ZFHX3: variants seen among roughly 807,000 people sequenced by gnomAD.
ZFHX3 encodes the protein zinc finger homeobox 3, also known as zinc finger homeobox protein 3.
A neutral mutation model predicts 279.1 loss-of-function variants in ZFHX3; 42 were observed. The observed-to-expected ratio is 0.15, with a 90% CI of 0.12 to 0.19. The LOEUF is 0.19. Ranked by LOEUF, ZFHX3 falls within the 10% of genes least tolerant of loss-of-function variation. ZFHX3 has a pLI of 1.00. For synonymous variants in ZFHX3, 2,293 were observed against 1,957.8 expected (o/e 1.17, Z -4.52); for missense variants, 4,981 against 4,754.0 (o/e 1.05, Z -1.40).
At chr16:73,622,562 C>T (rs973070013) in intron 2 of ZFHX3, among the ~76,000 whole-genome samples, 6 of 145,530 alleles carry the variant, frequency 4.1e-5, no homozygotes, top group African/African-American at 1.7e-4. Context: ...ACTCTGTCTC[C>T]AAAAAAGAAA....
intron 4 of ZFHX3, among the ~76,000 whole-genome samples, chr16:73,278,726 G>A (rs8049740): frequency 0.18 from 27,256 of 151,972 alleles, 3,264 homozygotes; most frequent in African/African-American, 0.34. Context: ...GTTTTACAGA[G>A]CACTGATTGG....
chr16:73,379,062 C>T lies in ZFHX3; in HGVS notation c.-1290-60726G>A, dbSNP rs141253850. Among the ~76,000 whole-genome samples the T allele has an allele frequency of 3.9e-4, 60 of 152,264 alleles. No homozygotes were observed. The East Asian group carries it at 0.011, about 27-fold the overall frequency. On this transcript the variant is annotated intron_variant, in intron 3 of 17. Transcript: ENST00000641206. ...TGTGTGGATGATTCTGACGATCCCA[C>T]GAAGGAGGATCTGTCAATGGCATGT...
intron 7 of ZFHX3, among the ~76,000 whole-genome samples, chr16:73,102,658 T>C (rs1487631029): frequency 6.6e-6 from 1 of 151,004 alleles, no homozygotes; most frequent in Non-Finnish European, 1.5e-5. Context: ...TATGGAAATT[T>C]GAAAAAAACA....
intron 2 of ZFHX3, among the ~76,000 whole-genome samples, chr16:73,643,057 G>A (rs1039722949): frequency 6.6e-6 from 1 of 152,134 alleles, no homozygotes; most frequent in Non-Finnish European, 1.5e-5. Flanking sequence ...TAACTCTTAG[G>A]GTCACATAAA....
chr16:73,659,135 G>A (rs751377622), intron 2 of ZFHX3, among the ~76,000 whole-genome samples: 17 of 152,172 alleles, frequency 1.1e-4, no homozygotes, highest in Admixed American at 5.2e-4. Flanking sequence ...TATGGTTCCC[G>A]CAGTATGCAC....
chr16:73,754,729 G>A (rs2053792371), intron 1 of ZFHX3, among the ~76,000 whole-genome samples: 1 of 151,972 alleles, frequency 6.6e-6, no homozygotes, highest in Non-Finnish European at 1.5e-5. Context: ...ATTTGTTTCA[G>A]TTGAGGGAAG....
At chr16:73,199,004 C>A (rs763288606) in intron 5 of ZFHX3, among the ~76,000 whole-genome samples, 1 of 152,204 alleles carries the variant, frequency 6.6e-6, no homozygotes, top group African/African-American at 2.4e-5. Context: ...CGGGGACTCT[C>A]GACTTTGTGA....
At chr16:73,481,585 C>A (rs577734060) in intron 2 of ZFHX3, among the ~76,000 whole-genome samples, 1 of 152,128 alleles carries the variant, frequency 6.6e-6, no homozygotes, top group East Asian at 1.9e-4. Flanking sequence ...CAGGTGCATG[C>A]CAGCCATGCC....
chr16:73,185,573 G>A (rs1317566197), intron 5 of ZFHX3, among the ~76,000 whole-genome samples: 1 of 152,186 alleles, frequency 6.6e-6, no homozygotes, highest in African/African-American at 2.4e-5. Flanking sequence ...GGATTTGAGA[G>A]CGTGAGACTC....
chr16:73,163,802 A>G lies in ZFHX3; in HGVS notation c.-1103-19971T>C, dbSNP rs888986304. The stretch of plus-strand genomic sequence containing the variant: ...ATCCAAGGGTATTTGGTAACTTTCC[A>G]TATCAATATTTTACATAAATAAATA... On this transcript the variant is annotated intron_variant, in intron 5 of 17. Coordinates refer to the ZFHX3 transcript ENST00000641206. Among the ~76,000 whole-genome samples, 9 of 152,340 alleles carry G rather than the reference A, an allele frequency of 5.9e-5. No homozygotes were observed. The South Asian group carries it at 8.3e-4, about 14-fold the overall frequency.
intron 4 of ZFHX3, among the ~76,000 whole-genome samples, chr16:72,874,098 G>A (rs927337667): frequency 6.6e-6 from 1 of 152,026 alleles, no homozygotes; most frequent in African/African-American, 2.4e-5. Context: ...CAAGTGGGCG[G>A]GGCTTTGGAG....
intron 3 of ZFHX3, among the ~76,000 whole-genome samples, chr16:73,330,601 G>T (rs961999680): frequency 4.6e-5 from 7 of 152,176 alleles, no homozygotes; most frequent in African/African-American, 1.4e-4. Flanking sequence ...TTTGAAGTGG[G>T]CTTGAGCAAG....
At chr16:73,625,442 T>A (rs1392862182) in intron 2 of ZFHX3, among the ~76,000 whole-genome samples, 2 of 152,216 alleles carry the variant, frequency 1.3e-5, no homozygotes. Flanking sequence ...GGTGCCTTTC[T>A]CAATTGGGAT....
intron 6 of ZFHX3, among the ~76,000 whole-genome samples, chr16:73,135,540 G>T (rs73593193): frequency 5.3e-4 from 80 of 152,214 alleles, no homozygotes; most frequent in African/African-American, 1.9e-3. Flanking sequence ...TTTTAGTTCC[G>T]AATCGCTCAC....
At chr16:72,830,489 G>C (rs2037036588) in intron 4 of ZFHX3, among the ~76,000 whole-genome samples, 1 of 152,262 alleles carries the variant, frequency 6.6e-6, no homozygotes, top group South Asian at 2.1e-4. Context: ...TGGGAAGTGA[G>C]ATTTGTAGAG....
At chr16:73,714,232 G>A (rs1335926297) in intron 1 of ZFHX3, among the ~76,000 whole-genome samples, 1 of 152,154 alleles carries the variant, frequency 6.6e-6, no homozygotes, top group Non-Finnish European at 1.5e-5. Flanking sequence ...GATACATTAG[G>A]ATCCTGGGCT....
intron 3 of ZFHX3, among the ~76,000 whole-genome samples, chr16:73,444,879 G>T (rs1250757208): frequency 1.4e-5 from 2 of 148,118 alleles, no homozygotes; most frequent in Non-Finnish European, 3.0e-5. Context: ...CAACGCTTTG[G>T]GAGGCTGAGG....
intron 1 of ZFHX3, among the ~76,000 whole-genome samples, chr16:72,962,590 G>A (rs545791384): frequency 1.3e-3 from 199 of 152,298 alleles, no homozygotes; most frequent in African/African-American, 4.2e-3. Flanking sequence ...AAACAGGCCC[G>A]TTTGCAGCCT....
intron 3 of ZFHX3, among the ~76,000 whole-genome samples, chr16:72,948,267 G>A (rs766841320): frequency 3.9e-5 from 6 of 152,272 alleles, no homozygotes; most frequent in Middle Eastern, 3.4e-3. Flanking sequence ...GGGATGTGCC[G>A]GCCAGATGCA....
Sources: allele counts gnomAD v4.1 joint callset (sites outside exome capture counted in the v4.1 genomes callset), GRCh38; gene constraint gnomAD v4.1.1; transcripts MANE v1.5; gene names NCBI Gene and HGNC (gene_info 2026-07-23, HGNC 2026-07-21).